MICU1: variants seen among roughly 807,000 people sequenced by gnomAD.
MICU1 encodes the protein calcium uptake protein 1, mitochondrial.
In MICU1, 45 loss-of-function variants were observed where a neutral mutation model predicts 56.8. The ratio of observed to expected loss-of-function variants is 0.79; its 90% CI spans 0.62 to 1.02. The LOEUF (loss-of-function observed/expected upper bound fraction) is 1.02, where lower values mean the gene tolerates loss of function less well. MICU1 is among the 50% of genes least tolerant of loss of function. MICU1 has a pLI of 0.00. For synonymous variants in MICU1, 186 were observed against 195.1 expected (o/e 0.95, Z 0.39); for missense variants, 504 against 587.1 (o/e 0.86, Z 1.46).
In MICU1 at chr10:72,405,648, AC is replaced by A. The variant is rs573224485; in HGVS notation, c.1180+2280del. Among the ~76,000 whole-genome samples the A allele has an allele frequency of 7.2e-5, 11 of 152,316 alleles. No individual in the cohort carries two copies. The South Asian group carries it at 2.3e-3, about 32-fold the overall frequency. On this transcript the variant is annotated intron_variant, in intron 10 of 11. Transcript: ENST00000361114. ...ATGTTAGGAAATCAAGTCTAGTAAT[AC>A]ATTAAAAAAGCTAATACATCATTAC... is the stretch of plus-strand genomic sequence containing the variant.
At chr10:72,506,121 C>A (rs981721054) in intron 6 of MICU1, among the ~76,000 whole-genome samples, 3 of 152,018 alleles carry the variant, frequency 2.0e-5, no homozygotes, top group African/African-American at 7.2e-5. Flanking sequence ...TCACTCACCA[C>A]ATTCAAACTA....
At chr10:72,408,369 C>T (rs1206211514) in intron 9 of MICU1, among the ~76,000 whole-genome samples, 1 of 152,094 alleles carries the variant, frequency 6.6e-6, no homozygotes, top group Non-Finnish European at 1.5e-5. Flanking sequence ...AGCGTAATGG[C>T]ATGATCTCAG....
chr10:72,563,924 A>G (rs561250694), intron 2 of MICU1, among the ~76,000 whole-genome samples: 5 of 152,362 alleles, frequency 3.3e-5, no homozygotes, highest in African/African-American at 1.2e-4. Context: ...TTAAGATGTA[A>G]GTTTTATGTT....
chr10:72,520,236 G>A (rs1471891370), intron 5 of MICU1, among the ~76,000 whole-genome samples: 1 of 152,066 alleles, frequency 6.6e-6, no homozygotes, highest in Non-Finnish European at 1.5e-5. Flanking sequence ...TGCAATTAAT[G>A]CTTACACTTC....
At chr10:72,378,910 G>T (rs936399499) in intron 10 of MICU1, among the ~76,000 whole-genome samples, 1 of 152,192 alleles carries the variant, frequency 6.6e-6, no homozygotes, top group South Asian at 2.1e-4. Context: ...GGTGAGGTTG[G>T]GGTGGAAATA....
rs1163457952 is a variant in MICU1 at position 72,367,673 on chromosome 10, C to T, written c.*522G>A. The T allele has an allele frequency of 1.9e-5, 3 of 153,882 alleles. No individual in the cohort carries two copies. Among genetic ancestry groups the T allele is most frequent in the Non-Finnish European group, 2.9e-5 (2 of 69,058 alleles). The allele number at this position is 153,882 out of a possible 1,614,324, so 9.5% of individuals were successfully genotyped here. On this transcript the variant is annotated 3_prime_UTR_variant, in exon 12 of 12. Coordinates refer to ENST00000361114, the MANE Select transcript of MICU1 (RefSeq NM_001195518.2). ...ATCCCAGGGACTAACACAGATCCTT[C>T]CTGGGGCGCAGGCTTCTCACACTAG...
chr10:72,491,735 A>C (rs566291350), intron 6 of MICU1, among the ~76,000 whole-genome samples: 1 of 152,310 alleles, frequency 6.6e-6, no homozygotes, highest in East Asian at 1.9e-4. Context: ...ACATACATAC[A>C]TTCAAGTGTA....
intron 1 of MICU1, among the ~76,000 whole-genome samples, chr10:72,611,735 A>G (rs1243293451): frequency 6.6e-6 from 1 of 152,156 alleles, no homozygotes; most frequent in Non-Finnish European, 1.5e-5. Context: ...GGAGTAATAT[A>G]CTAGAATATT....
At chr10:72,594,565 G>A (rs1005760959) in intron 1 of MICU1, among the ~76,000 whole-genome samples, 7 of 151,970 alleles carry the variant, frequency 4.6e-5, no homozygotes, top group Admixed American at 6.6e-5. Context: ...TAGACTTCAT[G>A]AAAATTTAAA....
intron 4 of MICU1, among the ~76,000 whole-genome samples, chr10:72,539,041 T>G (rs1023746612): frequency 1.3e-5 from 2 of 152,040 alleles, no homozygotes; most frequent in Admixed American, 6.5e-5. Flanking sequence ...TAAGAAGATA[T>G]GACAATTGTA....
At chr10:72,395,329 T>C (rs893286635) in intron 10 of MICU1, among the ~76,000 whole-genome samples, 1 of 152,132 alleles carries the variant, frequency 6.6e-6, no homozygotes, top group Admixed American at 6.5e-5. Context: ...GATGGCCAAA[T>C]AGGAACAGCT....
chr10:72,448,467 C>T (rs1178942231), intron 8 of MICU1, among the ~76,000 whole-genome samples: 1 of 151,302 alleles, frequency 6.6e-6, no homozygotes, highest in Non-Finnish European at 1.5e-5. Flanking sequence ...AGCCACCGCA[C>T]CTGGCCAAGT....
intron 5 of MICU1, among the ~76,000 whole-genome samples, chr10:72,517,028 A>AT (rs1231629297): frequency 1.3e-5 from 2 of 152,230 alleles, no homozygotes; most frequent in Non-Finnish European, 2.9e-5. Flanking sequence ...TCTGAGGAAG[A>AT]TTCTTAAAAA....
intron 8 of MICU1, among the ~76,000 whole-genome samples, chr10:72,454,521 G>A (rs1865396327): frequency 6.6e-6 from 1 of 151,404 alleles, no homozygotes; most frequent in Non-Finnish European, 1.5e-5. Flanking sequence ...GGTGGCTCAT[G>A]CCTGTAATCC....
intron 8 of MICU1, among the ~76,000 whole-genome samples, chr10:72,432,919 T>C (rs957581852): frequency 3.9e-5 from 6 of 152,228 alleles, no homozygotes; most frequent in African/African-American, 1.4e-4. Context: ...AAAATCTTTA[T>C]TGTAGGCAAA....
At chr10:72,393,943 A>G (rs962132644) in intron 10 of MICU1, among the ~76,000 whole-genome samples, 1 of 151,932 alleles carries the variant, frequency 6.6e-6, no homozygotes, top group Non-Finnish European at 1.5e-5. Flanking sequence ...TAATTTTTGT[A>G]TTTTTAGTAG....
In MICU1 at chr10:72,512,100, G is replaced by GTTTTTTTTTTTTTTTTTTTTTTT. The variant is rs1199987987; in HGVS notation, c.538-3832_538-3831insAAAAAAAAAAAAAAAAAAAAAAA. Among the ~76,000 whole-genome samples the GTTTTTTTTTTTTTTTTTTTTTTT allele has an allele frequency of 1.3e-4, 11 of 82,336 alleles. 4 individuals are homozygous for GTTTTTTTTTTTTTTTTTTTTTTT. The highest frequency in any genetic ancestry group is 6.4e-4 in the African/African-American group (11 of 17,242). 54.0% of individuals were successfully genotyped at this position (82,336 alleles called of 152,430 possible). On this transcript the variant is annotated intron_variant, in intron 5 of 11. Coordinates refer to ENST00000361114, the MANE Select transcript of MICU1 (RefSeq NM_001195518.2). Reference sequence around the variant, plus strand: ...ATCAATCTGGCATCCATACACAGTTGTTTTTTGTTTTTTTTTTTTTTTTTT... The same window carrying GTTTTTTTTTTTTTTTTTTTTTTT: ...ATCAATCTGGCATCCATACACAGTTGTTTTTTTTTTTTTTTTTTTTTTTTTTTTTGTTTTTTTTTTTTTTTTTT...
At chr10:72,581,178 C>T (rs1186063951) in intron 1 of MICU1, among the ~76,000 whole-genome samples, 1 of 152,154 alleles carries the variant, frequency 6.6e-6, no homozygotes, top group African/African-American at 2.4e-5. Context: ...GGCAATAGTG[C>T]AAACATAAAC....
intron 3 of MICU1, among the ~76,000 whole-genome samples, chr10:72,551,828 G>A (rs1335533751): frequency 1.3e-5 from 2 of 151,832 alleles, no homozygotes; most frequent in Non-Finnish European, 2.9e-5. Context: ...TAGTGAGAGG[G>A]TCTCACCACA....
Sources: gnomAD v4.1 joint callset for allele counts (sites outside exome capture counted in the v4.1 genomes callset) on GRCh38, gnomAD v4.1.1 for gene constraint, MANE v1.5 for transcripts, NCBI Gene and HGNC (gene_info 2026-07-23, HGNC 2026-07-21) for gene names.